OCRL: variants seen among roughly 807,000 people sequenced by gnomAD.
OCRL encodes inositol polyphosphate 5-phosphatase OCRL.
OCRL carries 8 observed loss-of-function variants against 78.9 expected under a neutral mutation model. That is an observed-to-expected ratio of 0.10 (90% CI 0.06 to 0.18). OCRL has a LOEUF of 0.18. Among genes scored for constraint, OCRL ranks in the 10% least tolerant of loss-of-function variants. The pLI, the probability that OCRL is intolerant of heterozygous loss-of-function variation, is 1.00. For synonymous variants in OCRL, 240 were observed against 235.4 expected, an observed-to-expected ratio of 1.02 and a Z score of -0.18; for missense variants, 454 against 696.7, an observed-to-expected ratio of 0.65 and a Z score of 3.92.
At chrX:129,552,856 TTG>T (rs1436081866) in intron 4 of OCRL, among the ~76,000 whole-genome samples, 2 of 112,472 alleles carry the variant, frequency 1.8e-5, no homozygotes, top group African/African-American at 6.5e-5. Flanking sequence ...GATGATGTGA[TTG>T]TGTGTGGACT....
Position 129,557,413 on chromosome X carries a change from A to C in OCRL, c.327A>C (p.Ser109=). ...AGGAACACTGTTTGAAGTTCCTCTC[A>C]GCTGTCCTTGCTGCTCAGAAAGGTA... ...PDEEHCLKFL[S]AVLAAQKAQS... The change falls in exon 5 of 24, where the codon TCA becomes TCC. Residue 109 remains serine, a synonymous_variant. Coordinates refer to ENST00000371113, the MANE Select transcript of OCRL (RefSeq NM_000276.4). 2.5e-6 allele frequency: 3 copies of C among 1,208,220 alleles called. No individual in the cohort carries two copies. The highest frequency in any genetic ancestry group is 3.4e-6 in the Non-Finnish European group (3 of 892,239).
At chrX:129,565,067 A>T (rs776165102) in intron 12 of OCRL, among the ~76,000 whole-genome samples, 106 of 111,742 alleles carry the variant, frequency 9.5e-4, no homozygotes, top group Non-Finnish European at 1.8e-3. Flanking sequence ...ATTTTCCCAG[A>T]TTCCATAAAT....
At chrX:129,548,659 C>G in intron 4 of OCRL, 58 bp downstream of exon 4, 8 of 1,000,476 alleles carry the variant, frequency 8.0e-6, no homozygotes, top group Non-Finnish European at 1.1e-5. Flanking sequence ...CTTGAACACT[C>G]ACTACATTTA....
At chrX:129,540,588 C>CCTCTGCTGTG in intron 1 of OCRL, 110 bp downstream of exon 1, 1 of 817,579 alleles carries the variant, frequency 1.2e-6, no homozygotes, top group Non-Finnish European at 1.7e-6. Flanking sequence ...AGAGGCCGAG[C>CCTCTGCTGTG]AGAGAGGGGG....
At chrX:129,566,633 T>G (rs186306308) in intron 13 of OCRL, among the ~76,000 whole-genome samples, 142 of 112,390 alleles carry the variant, frequency 1.3e-3, no homozygotes, top group Non-Finnish European at 2.1e-3. Flanking sequence ...TAAATCGTTA[T>G]GAGAGCCTTT....
chrX:129,543,534 C>T (rs1405447555), intron 2 of OCRL, among the ~76,000 whole-genome samples: 8 of 113,212 alleles, frequency 7.1e-5, no homozygotes, highest in Non-Finnish European at 9.4e-5. Context: ...ATGAACTTTC[C>T]AGATGGAAAG....
intron 4 of OCRL, among the ~76,000 whole-genome samples, chrX:129,550,637 T>C (rs1199610584): frequency 1.8e-5 from 2 of 112,127 alleles, no homozygotes; most frequent in Admixed American, 9.5e-5. Flanking sequence ...TGTTTATTAC[T>C]AGTATACAGA....
At chrX:129,571,995 G>A (rs1936308608) in intron 15 of OCRL, among the ~76,000 whole-genome samples, 1 of 111,698 alleles carries the variant, frequency 9.0e-6, no homozygotes, top group South Asian at 3.8e-4. Flanking sequence ...TATCTGTGCT[G>A]TCCAGTCCAG....
chrX:129,576,742 A>G (rs1301443697), intron 18 of OCRL, among the ~76,000 whole-genome samples, 190 bp downstream of exon 18: 2 of 112,051 alleles, frequency 1.8e-5, no homozygotes, highest in East Asian at 5.6e-4. Flanking sequence ...ACTAATCTGC[A>G]GTTGGCTCTT....
At chrX:129,551,764 G>A (rs1203058308) in intron 4 of OCRL, among the ~76,000 whole-genome samples, 2 of 112,636 alleles carry the variant, frequency 1.8e-5, no homozygotes, top group Non-Finnish European at 3.7e-5. Flanking sequence ...AAATGCTCTT[G>A]AGGAAAAGTA....
At position 129,571,746 on chromosome X, in the gene OCRL, C is replaced by T. The variant is rs371616186; in HGVS notation, c.1602+2347C>T. 3.5e-4 allele frequency among the ~76,000 whole-genome samples: 39 copies of T among 110,708 alleles called. No individual in the cohort carries two copies. The East Asian group carries it at 5.9e-3, about 17-fold the overall frequency. On this transcript the variant is annotated intron_variant, in intron 15 of 23. Transcript: ENST00000371113. ...ATGTATATCTTTAATAAAGATATGC[C>T]TTTTGAGTTTTTAATGATTTTTAAA...
intron 20 of OCRL, among the ~76,000 whole-genome samples, chrX:129,587,806 G>A (rs1254711046): frequency 2.8e-5 from 3 of 108,547 alleles, no homozygotes; most frequent in African/African-American, 6.7e-5. Flanking sequence ...AGGCAGAGAC[G>A]GGCGCATTGC....
Position 129,558,835 on chromosome X carries a change from G to T in OCRL, c.561-5G>T. On this transcript the variant is annotated splice_polypyrimidine_tract_variant and splice_region_variant and intron_variant, in intron 7 of 23. Transcript: ENST00000371113. ...TTACTTTTGAATCTCTCATTTATTT[G>T]CTAGGCTTCCACGTGAAAAAGAAGC... The T allele has an allele frequency of 8.3e-7, 1 of 1,211,808 alleles. No homozygotes were observed. The highest frequency in any genetic ancestry group is 1.7e-5 in the African/African-American group (1 of 57,817).
chrX:129,558,882 A>G lies in OCRL; in HGVS notation c.603A>G (p.Lys201=). ...AAGCTTCTAACAAGGAGCAGCCCAA[A>G]GTGACCAACACCATGCGGAAGCTCT... ...EKEASNKEQP[K]VTNTMRKLFV... The change falls in exon 8 of 24, where the codon AAA becomes AAG. Residue 201 remains lysine, a synonymous_variant. Transcript: ENST00000371113. 1 of 1,212,125 alleles carries G rather than the reference A, an allele frequency of 8.2e-7. No homozygotes were observed. Among genetic ancestry groups the G allele is most frequent in the Non-Finnish European group, 1.1e-6 (1 of 895,475 alleles).
In OCRL at chrX:129,548,605, A is replaced by C; in HGVS notation, c.238+4A>C. ...TTGATTGACATAGCTTCTAACAGTG[A>C]GTATCTTTCTGAATGTGCTTGATTT... On this transcript the variant is annotated splice_donor_region_variant and intron_variant, in intron 4 of 23. Transcript: ENST00000371113. 8.4e-7 allele frequency: 1 copy of C among 1,190,385 alleles called. No individual in the cohort carries two copies.
intron 21 of OCRL, 43 bp downstream of exon 21, chrX:129,588,306 G>C: frequency 1.1e-6 from 1 of 924,273 alleles, no homozygotes. Flanking sequence ...ATGAGTACTT[G>C]ATCAAACTCT....
intron 18 of OCRL, among the ~76,000 whole-genome samples, chrX:129,583,258 G>A (rs1001650353): frequency 5.4e-5 from 6 of 111,915 alleles, no homozygotes; most frequent in East Asian, 2.8e-4. Context: ...CATTAACCAC[G>A]CTGTCTTTTA....
chrX:129,562,547 A>C (rs1382598326), intron 11 of OCRL, 47 bp downstream of exon 11: 1 of 1,187,104 alleles, frequency 8.4e-7, no homozygotes, highest in East Asian at 3.0e-5. Context: ...TGTTCATGTA[A>C]AGTTCAGTTG....
chrX:129,561,591 A>G (rs762886042), intron 10 of OCRL, among the ~76,000 whole-genome samples: 1 of 112,411 alleles, frequency 8.9e-6, no homozygotes, highest in Non-Finnish European at 1.9e-5. Context: ...ACTCACTGAC[A>G]TGGTCAGAAT....
Sources: allele counts gnomAD v4.1 joint callset (sites outside exome capture counted in the v4.1 genomes callset), GRCh38; gene constraint gnomAD v4.1.1; transcripts MANE v1.5; gene names NCBI Gene and HGNC (gene_info 2026-07-23, HGNC 2026-07-21).